RGS22: variants seen among roughly 807,000 people sequenced by gnomAD.
RGS22 encodes the protein regulator of G protein signaling 22.
In RGS22, 148 loss-of-function variants were observed where a neutral mutation model predicts 172.9. The ratio of observed to expected loss-of-function variants is 0.86; its 90% CI spans 0.75 to 0.98. The LOEUF (loss-of-function observed/expected upper bound fraction) is 0.98. Among genes scored for constraint, RGS22 ranks in the 50% least tolerant of loss-of-function variants. The pLI is 0.00. For missense variants in RGS22, 1,347 were observed against 1,440.8 expected, an observed-to-expected ratio of 0.93 and a Z score of 1.05; for synonymous variants, 458 against 480.2, an observed-to-expected ratio of 0.95 and a Z score of 0.60.
At chr8:100,100,945 T>G (rs1777034093) in intron 2 of RGS22, among the ~76,000 whole-genome samples, 1 of 152,086 alleles carries the variant, frequency 6.6e-6, no homozygotes, top group Non-Finnish European at 1.5e-5. Context: ...AAACTGTGGG[T>G]TTTCTAAATC....
At chr8:100,053,537 T>G (rs985144589) in intron 9 of RGS22, among the ~76,000 whole-genome samples, 1 of 152,130 alleles carries the variant, frequency 6.6e-6, no homozygotes, top group Admixed American at 6.5e-5. Context: ...AACTTACAGT[T>G]TCTAGTAAAA....
chr8:100,075,923 C>T (rs1003679768), intron 4 of RGS22, among the ~76,000 whole-genome samples: 2 of 152,016 alleles, frequency 1.3e-5, no homozygotes, highest in African/African-American at 4.8e-5. Flanking sequence ...TCATAGCCAT[C>T]GTGTTGGGTG....
At chr8:100,022,049 C>T (rs1233847483) in intron 14 of RGS22, among the ~76,000 whole-genome samples, 1 of 152,104 alleles carries the variant, frequency 6.6e-6, no homozygotes, top group African/African-American at 2.4e-5. Context: ...TCATATCCCA[C>T]TAGGAGCTCA....
At chr8:100,104,329 CGTGTGTGTGTGT>C (rs34385626) in intron 2 of RGS22, among the ~76,000 whole-genome samples, 61 of 140,404 alleles carry the variant, frequency 4.3e-4, no homozygotes, top group Non-Finnish European at 6.4e-4. Context: ...AAAATATGTG[CGTGTGTGTGTGT>C]GTGTGTGTGT....
At chr8:100,033,608 T>C (rs1235561182) in intron 14 of RGS22, among the ~76,000 whole-genome samples, 1 of 150,890 alleles carries the variant, frequency 6.6e-6, no homozygotes, top group Non-Finnish European at 1.5e-5. Context: ...AAAGAGGACC[T>C]GGTACCATTT....
intron 12 of RGS22, among the ~76,000 whole-genome samples, chr8:100,040,530 T>A (rs1272908274): frequency 6.6e-6 from 1 of 152,164 alleles, no homozygotes; most frequent in Non-Finnish European, 1.5e-5. Flanking sequence ...TCATTAACTA[T>A]CCTTAGGGGG....
chr8:100,097,533 A>C (rs1293304481), intron 2 of RGS22, among the ~76,000 whole-genome samples: 1 of 152,210 alleles, frequency 6.6e-6, no homozygotes, highest in South Asian at 2.1e-4. Flanking sequence ...AGTGTTCACT[A>C]TACAATTCTT....
chr8:99,994,303 T>G (rs1055955356), intron 20 of RGS22, among the ~76,000 whole-genome samples: 1 of 152,086 alleles, frequency 6.6e-6, no homozygotes, highest in Non-Finnish European at 1.5e-5. Flanking sequence ...GGTATTCAAG[T>G]AGGAAAAGAG....
At chr8:100,036,038 A>G (rs941355168) in intron 14 of RGS22, among the ~76,000 whole-genome samples, 4 of 152,144 alleles carry the variant, frequency 2.6e-5, no homozygotes, top group Non-Finnish European at 5.9e-5. Context: ...GCAAACCAAC[A>G]TGGCATATGT....
At chr8:100,036,844 T>C (rs899717341) in intron 14 of RGS22, among the ~76,000 whole-genome samples, 2 of 152,050 alleles carry the variant, frequency 1.3e-5, no homozygotes, top group African/African-American at 2.4e-5. Flanking sequence ...AGCAATCCTC[T>C]TGCCTCAGCC....
intron 2 of RGS22, among the ~76,000 whole-genome samples, chr8:100,100,982 T>A (rs543501473): frequency 6.6e-5 from 10 of 152,304 alleles, no homozygotes; most frequent in Non-Finnish European, 1.3e-4. Flanking sequence ...AATAGATCAT[T>A]ACACTACAAT....
intron 4 of RGS22, among the ~76,000 whole-genome samples, chr8:100,073,010 G>A (rs947921334): frequency 6.6e-6 from 1 of 152,120 alleles, no homozygotes; most frequent in Non-Finnish European, 1.5e-5. Context: ...GGTTGTGAGA[G>A]CAATACAGAA....
Position 99,988,156 on chromosome 8 carries a change from T to C in RGS22, c.3019-537A>G, listed in dbSNP as rs142073038. Among the ~76,000 whole-genome samples, 379 of 151,604 alleles carry C rather than the reference T, an allele frequency of 2.5e-3. 2 individuals carry two copies. The highest frequency in any genetic ancestry group is 8.8e-3 in the African/African-American group (367 of 41,494). ...TTTTATCCTGAAAATATTATATTTT[T>C]AGATGAGACATCTTTATGTTATTTT... is the stretch of plus-strand genomic sequence containing the variant. On this transcript the variant is annotated intron_variant, in intron 20 of 27. Transcript: ENST00000360863.
chr8:100,057,356 T>C (rs1809722811), intron 9 of RGS22, among the ~76,000 whole-genome samples: 2 of 152,166 alleles, frequency 1.3e-5, no homozygotes, highest in South Asian at 4.1e-4. Flanking sequence ...GTTAAGACTT[T>C]GGGGACTGCT....
chr8:100,078,513 T>C (rs1296445635), intron 4 of RGS22, among the ~76,000 whole-genome samples: 1 of 151,844 alleles, frequency 6.6e-6, no homozygotes, highest in Non-Finnish European at 1.5e-5. Flanking sequence ...CCTAGTTGTT[T>C]TATTCTTTAT....
chr8:100,020,081 T>C (rs768379268), intron 14 of RGS22, among the ~76,000 whole-genome samples: 3 of 151,912 alleles, frequency 2.0e-5, no homozygotes, highest in African/African-American at 7.3e-5. Flanking sequence ...ATGAAGTTTC[T>C]CCATGTTGGT....
chr8:100,047,551 A>G lies in RGS22; in HGVS notation c.1735T>C (p.Ser579Pro), dbSNP rs1179707742. The change falls in exon 11 of 28, where the codon TCA becomes CCA. Residue 579 changes from serine to proline, a missense_variant. By Grantham distance (74) the Ser-to-Pro change is moderately conservative. Coordinates refer to ENST00000360863, the MANE Select transcript of RGS22 (RefSeq NM_015668.5). ...LSQPPKSPNK[S>P]PEVKTATQKP... is the part of the protein sequence containing the mutation. The stretch of plus-strand genomic sequence containing the variant: ...TGAGTTGCTGTTTTTACTTCAGGTG[A>G]TTTATTGGGAGATTTAGGAGGTTGT... 9.3e-6 allele frequency: 15 copies of G among 1,613,138 alleles called. No homozygotes were observed. The South Asian group carries it at 1.7e-4, about 18-fold the overall frequency.
At chr8:100,026,432 G>A (rs1371468101) in intron 14 of RGS22, among the ~76,000 whole-genome samples, 2 of 152,148 alleles carry the variant, frequency 1.3e-5, no homozygotes, top group Non-Finnish European at 2.9e-5. Context: ...CAGCTTTTGC[G>A]TTTTCTTTTT....
chr8:100,003,036 CAG>C (rs1815270646), intron 17 of RGS22: 2 of 156,694 alleles, frequency 1.3e-5, no homozygotes, highest in South Asian at 1.7e-4. Context: ...GCCTGGGCGA[CAG>C]AGTGAGACCT....
Sources: allele counts gnomAD v4.1 joint callset (sites outside exome capture counted in the v4.1 genomes callset), GRCh38; gene constraint gnomAD v4.1.1; transcripts MANE v1.5; gene names NCBI Gene and HGNC (gene_info 2026-07-23, HGNC 2026-07-21).